RTTN: variants seen among roughly 807,000 people sequenced by gnomAD.
RTTN encodes rotatin.
A neutral mutation model predicts 269.2 loss-of-function variants in RTTN; 182 were observed. The observed-to-expected ratio is 0.68, with a 90% CI of 0.60 to 0.76. The LOEUF (loss-of-function observed/expected upper bound fraction) is 0.76, where lower values mean the gene tolerates loss of function less well. Ranked by LOEUF, RTTN falls within the 30% of genes least tolerant of loss-of-function variation. RTTN has a pLI of 0.00. For missense variants in RTTN, 2,545 were observed against 2,608.6 expected (o/e 0.98, Z 0.53); for synonymous variants, 1,006 against 963.5 (o/e 1.04, Z -0.82).
intron 36 of RTTN, among the ~76,000 whole-genome samples, chr18:70,059,015 T>A (rs192104926): frequency 6.6e-6 from 1 of 152,006 alleles, no homozygotes; most frequent in African/African-American, 2.4e-5. Context: ...TGTTCAAAGG[T>A]AAAGGGACAG....
At chr18:70,193,548 A>T in intron 7 of RTTN, 95 bp from the exon 8 acceptor site, 6 of 957,216 alleles carry the variant, frequency 6.3e-6, no homozygotes, top group Non-Finnish European at 8.8e-6. Flanking sequence ...AACATTAACA[A>T]ATTAAGATAG....
At chr18:70,106,716 T>A (rs951991832) in intron 28 of RTTN, among the ~76,000 whole-genome samples, 1 of 151,994 alleles carries the variant, frequency 6.6e-6, no homozygotes, top group South Asian at 2.1e-4. Context: ...GAGGTTTGGA[T>A]TGAAAAATTT....
intron 40 of RTTN, chr18:70,031,428 T>C (rs1051858983): frequency 2.5e-6 from 1 of 398,212 alleles, no homozygotes; most frequent in African/African-American, 2.1e-5. Context: ...TCTCAGGTGA[T>C]TTGGTTCTTT....
At chr18:70,110,050 A>C (rs2059422410) in intron 27 of RTTN, among the ~76,000 whole-genome samples, 1 of 152,004 alleles carries the variant, frequency 6.6e-6, no homozygotes, top group African/African-American at 2.4e-5. Context: ...TTTCTAAAAA[A>C]ATGAAATAAA....
At chr18:70,082,373 A>G (rs1293683598) in intron 32 of RTTN, among the ~76,000 whole-genome samples, 2 of 152,130 alleles carry the variant, frequency 1.3e-5, no homozygotes, top group South Asian at 4.2e-4. Context: ...ATTATCTGTG[A>G]ATCTCCAATA....
chr18:70,148,919 A>G lies in RTTN; in HGVS notation c.2291T>C (p.Leu764Ser), dbSNP rs376338760. The change falls in exon 17 of 49, where the codon TTG becomes TCG. Residue 764 changes from leucine (L) to serine (S), a missense_variant. By Grantham distance (145) the Leu-to-Ser change is moderately radical. Coordinates refer to ENST00000640769, the MANE Select transcript of RTTN (RefSeq NM_173630.4). The part of the protein sequence containing the change: ...TTRLKSMLRL[L>S]LVKKPSVRSL... Reference sequence around the variant, plus strand: ...TACTCACGATGGCTTTTTCACTAGCAAAAGTCGCAGCATGGACTTTAATCG... The same window carrying G: ...TACTCACGATGGCTTTTTCACTAGCGAAAGTCGCAGCATGGACTTTAATCG... 6.2e-7 allele frequency: 1 copy of G among 1,613,360 alleles called. No individual in the cohort carries two copies. Among genetic ancestry groups the G allele is most frequent in the Non-Finnish European group, 8.5e-7 (1 of 1,179,562 alleles).
intron 4 of RTTN, among the ~76,000 whole-genome samples, chr18:70,201,586 C>T (rs1253348086): frequency 2.8e-5 from 3 of 105,722 alleles, no homozygotes; most frequent in East Asian, 3.2e-4. Flanking sequence ...CCAGCCTGGG[C>T]GACAGAGCGA....
chr18:70,161,889 T>C (rs1028472089), intron 14 of RTTN, among the ~76,000 whole-genome samples: 4 of 152,128 alleles, frequency 2.6e-5, no homozygotes, highest in African/African-American at 7.2e-5. Flanking sequence ...CACAGTACTA[T>C]AAGCCCTATA....
chr18:70,038,057 C>T (rs890536198), intron 40 of RTTN, among the ~76,000 whole-genome samples: 1 of 152,122 alleles, frequency 6.6e-6, no homozygotes, highest in African/African-American at 2.4e-5. Flanking sequence ...GCAGAAAGGA[C>T]CCAGTATTGT....
At chr18:70,168,815 G>A (rs1363678666) in intron 12 of RTTN, 40 bp downstream of exon 12, 2 of 1,433,348 alleles carry the variant, frequency 1.4e-6, no homozygotes, top group Non-Finnish European at 1.9e-6. Context: ...TTCAAAATAT[G>A]TCAAAGGGAT....
chr18:70,020,701 G>A lies in RTTN; in HGVS notation c.6067C>T (p.Leu2023=), dbSNP rs971359981. The change falls in exon 45 of 49, where the codon CTG becomes TTG. Residue 2023 remains leucine (L), a synonymous_variant. Transcript: ENST00000640769. Reference sequence around the variant, plus strand: ...ATCTGCTGAACCGTGGTGTTCTCCAGTGGCATCTGGGAAGCCAACTTTAGG... The same window carrying A: ...ATCTGCTGAACCGTGGTGTTCTCCAATGGCATCTGGGAAGCCAACTTTAGG... ...CILKLASQMP[L]ENTTVQQMVF... 2 of 1,614,064 alleles carry A rather than the reference G, an allele frequency of 1.2e-6. No homozygotes were observed. Among genetic ancestry groups the A allele is most frequent in the Non-Finnish European group, 1.7e-6 (2 of 1,179,930 alleles).
chr18:70,137,139 T>C (rs978314028), intron 21 of RTTN, among the ~76,000 whole-genome samples: 9 of 152,218 alleles, frequency 5.9e-5, no homozygotes, highest in Non-Finnish European at 1.3e-4. Flanking sequence ...TGTATAGTTC[T>C]ATATTGCCTG....
At chr18:70,182,330 T>G (rs1467982739) in intron 10 of RTTN, among the ~76,000 whole-genome samples, 1 of 152,166 alleles carries the variant, frequency 6.6e-6, no homozygotes, top group Non-Finnish European at 1.5e-5. Flanking sequence ...CAGACCTCTA[T>G]TCACAAGGAT....
intron 23 of RTTN, among the ~76,000 whole-genome samples, chr18:70,132,806 C>T (rs1366613533): frequency 6.6e-6 from 1 of 152,072 alleles, no homozygotes; most frequent in Non-Finnish European, 1.5e-5. Context: ...CTTTGAGATA[C>T]ACTATACATC....
intron 28 of RTTN, among the ~76,000 whole-genome samples, chr18:70,100,470 G>C (rs2145336685): frequency 6.6e-6 from 1 of 152,340 alleles, no homozygotes; most frequent in South Asian, 2.1e-4. Context: ...AGCTTAAGGA[G>C]ATTTTGGGCT....
chr18:70,169,147 C>T, intron 11 of RTTN, 80 bp from the exon 12 acceptor site: 1 of 992,468 alleles, frequency 1.0e-6, no homozygotes, highest in Admixed American at 3.4e-5. Context: ...GGGCTATAGT[C>T]TTAATCTAAT....
intron 40 of RTTN, among the ~76,000 whole-genome samples, chr18:70,039,407 GAAAA>G (rs796677303): frequency 7.1e-6 from 1 of 141,836 alleles, no homozygotes; most frequent in African/African-American, 2.6e-5. Flanking sequence ...GTGCTGCAGG[GAAAA>G]AAAAAAAGAA....
Position 70,145,628 on chromosome 18 carries a change from C to G in RTTN, c.2465G>C (p.Arg822Thr). Reference sequence around the variant, plus strand: ...TATAGTCACCTTAATAACCAGCTCTCTTCTGTCATCCAGTCTGAGTTCAAT... The same window carrying G: ...TATAGTCACCTTAATAACCAGCTCTGTTCTGTCATCCAGTCTGAGTTCAAT... ...KPIELRLDDR[R>T]ELVIKLETVE... Residue 822 changes from arginine (R) to threonine (T), a missense_variant, in exon 18 of 49, where the codon AGA (arginine) becomes ACA (threonine). Physicochemically the swap from Arg to Thr is moderately conservative, Grantham distance 71. Coordinates refer to ENST00000640769, the MANE Select transcript of RTTN (RefSeq NM_173630.4). 6.2e-7 allele frequency: 1 copy of G among 1,604,754 alleles called. No individual in the cohort carries two copies. The highest frequency in any genetic ancestry group is 2.2e-5 in the East Asian group (1 of 44,772).
chr18:70,074,726 T>C (rs886566478), intron 33 of RTTN: 1 of 151,566 alleles, frequency 6.6e-6, no homozygotes, highest in Admixed American at 6.6e-5. Flanking sequence ...GCTATTTATA[T>C]TATTAAATTA....
Sources: gnomAD v4.1 joint callset for allele counts (sites outside exome capture counted in the v4.1 genomes callset) on GRCh38, gnomAD v4.1.1 for gene constraint, MANE v1.5 for transcripts, NCBI Gene and HGNC (gene_info 2026-07-23, HGNC 2026-07-21) for gene names.